RPS6KA2: variants seen among roughly 807,000 people sequenced by gnomAD.
RPS6KA2 encodes the protein ribosomal protein S6 kinase alpha-2.
In RPS6KA2, 42 loss-of-function variants were observed where a neutral mutation model predicts 91.8. The observed-to-expected ratio is 0.46, with a 90% CI of 0.36 to 0.59. RPS6KA2 has a LOEUF of 0.59. Among genes scored for constraint, RPS6KA2 ranks in the 20% least tolerant of loss-of-function variants. The pLI is 0.00. For missense variants in RPS6KA2, 798 were observed against 978.5 expected, an observed-to-expected ratio of 0.82 and a Z score of 2.46; for synonymous variants, 414 against 393.6, an observed-to-expected ratio of 1.05 and a Z score of -0.61.
Position 166,469,876 on chromosome 6 carries a change from T to A in RPS6KA2, c.937A>T (p.Lys313Ter). ...ATGGTCACAAAGAAGGGATGGCGCT[T>A]AATTTCCTCCACTCCGTCAATGCCA... ...GAGIDGVEEI[K>*]RHPFFVTIDW... Residue 313 changes from lysine (K) to a stop codon, truncating the protein, a stop_gained, in exon 11 of 21, where the codon AAG becomes TAG. Transcript: ENST00000265678. LOFTEE classifies it high-confidence loss of function. 1 of 1,614,150 alleles carries A rather than the reference T, an allele frequency of 6.2e-7. No homozygotes were observed. Among genetic ancestry groups the A allele is most frequent in the Non-Finnish European group, 8.5e-7 (1 of 1,179,992 alleles).
chr6:166,788,131 A>G (rs181411137), intron 2 of RPS6KA2, among the ~76,000 whole-genome samples: 68 of 152,356 alleles, frequency 4.5e-4, no homozygotes, highest in African/African-American at 1.5e-3. Context: ...CAAAACCACA[A>G]TGAGATACCA....
In RPS6KA2 at chr6:166,603,306, T is replaced by C. The variant is rs1000842232; in HGVS notation, c.99+23615A>G. 6.6e-6 allele frequency among the ~76,000 whole-genome samples: 1 copy of C among 152,180 alleles called. No individual in the cohort carries two copies. Among genetic ancestry groups the C allele is most frequent in the Non-Finnish European group, 1.5e-5 (1 of 68,040 alleles). On this transcript the variant is annotated intron_variant, in intron 1 of 20. Coordinates refer to ENST00000265678, the MANE Select transcript of RPS6KA2 (RefSeq NM_021135.6). This position sits in a 1 kb window ranked among gnomAD's most constrained non-coding sequence, Gnocchi z 4.3. Reference sequence around the variant, plus strand: ...ACCTGCTCTCGGCTTGTGTGGGCCATGGCTCTTTCAAAAAAGATCGTGCTG... The same window carrying C: ...ACCTGCTCTCGGCTTGTGTGGGCCACGGCTCTTTCAAAAAAGATCGTGCTG...
rs77253244 is a variant in RPS6KA2, at chr6:166,465,766, A to G, written c.972+4075T>C. ...TCGGTGGATGATGGCGTTATGGGAC[A>G]GCAGACTCCTCAGTCTGTGAGCAGC... On this transcript the variant is annotated intron_variant, in intron 11 of 20. Coordinates refer to ENST00000265678, the MANE Select transcript of RPS6KA2 (RefSeq NM_021135.6). Among the ~76,000 whole-genome samples the G allele has an allele frequency of 4.1e-3, 625 of 152,348 alleles. 3 individuals carry two copies. The highest frequency in any genetic ancestry group is 0.014 in the African/African-American group (596 of 41,590).
chr6:166,809,775 G>A (rs1057480320), intron 2 of RPS6KA2, among the ~76,000 whole-genome samples: 2 of 152,190 alleles, frequency 1.3e-5, no homozygotes, highest in Non-Finnish European at 2.9e-5. Context: ...GCATCCTGGC[G>A]ATGTTTATTC....
chr6:166,614,420 C>T (rs917956524), intron 1 of RPS6KA2, among the ~76,000 whole-genome samples: 6 of 152,182 alleles, frequency 3.9e-5, no homozygotes, highest in South Asian at 4.1e-4. Context: ...ACCCAGGCCC[C>T]GAGGGCAGGT....
At chr6:166,704,129 C>CA (rs1478590141) in intron 2 of RPS6KA2, among the ~76,000 whole-genome samples, 1 of 152,192 alleles carries the variant, frequency 6.6e-6, no homozygotes, top group Non-Finnish European at 1.5e-5. Flanking sequence ...TTCTCCCCTC[C>CA]AAATTAGGAC....
In RPS6KA2 at chr6:166,500,967, C is replaced by A; in HGVS notation, c.567-43G>T. 6.3e-7 allele frequency: 1 copy of A among 1,595,348 alleles called. No homozygotes were observed. The highest frequency in any genetic ancestry group is 8.6e-7 in the Non-Finnish European group (1 of 1,164,180). On this transcript the variant is annotated intron_variant, in intron 6 of 20. Transcript: ENST00000265678. The surrounding 1 kb of genome is among the most constrained non-coding windows in gnomAD (Gnocchi z 4.3). ...AAAACAGATGCTTTAGAAAGAGACC[C>A]AGCCTGCCGACGGGCACGCAGAGCT... is the stretch of plus-strand genomic sequence containing the variant.
At chr6:166,637,443 A>G (rs1787282169) in intron 2 of RPS6KA2, among the ~76,000 whole-genome samples, 1 of 152,220 alleles carries the variant, frequency 6.6e-6, no homozygotes, top group South Asian at 2.1e-4. Context: ...CCTGAGAGGA[A>G]CAATGAGCCG....
At chr6:166,483,172 G>A (rs1781294056) in intron 10 of RPS6KA2, among the ~76,000 whole-genome samples, 1 of 152,232 alleles carries the variant, frequency 6.6e-6, no homozygotes, top group South Asian at 2.1e-4. Flanking sequence ...CTATGTGTGT[G>A]GGGAGAGGAC....
At chr6:166,827,819 T>A (rs748968660) in intron 2 of RPS6KA2, among the ~76,000 whole-genome samples, 13 of 152,254 alleles carry the variant, frequency 8.5e-5, no homozygotes, top group Non-Finnish European at 1.3e-4. Context: ...AAGCAAACTG[T>A]AAGGATAGGC....
intron 19 of RPS6KA2, among the ~76,000 whole-genome samples, chr6:166,414,790 C>A (rs143022878): frequency 2.0e-5 from 3 of 152,218 alleles, no homozygotes; most frequent in Non-Finnish European, 4.4e-5. Context: ...TGCGGCTGGG[C>A]GCGTTGGCTC....
At position 166,807,100 on chromosome 6, in the gene RPS6KA2, A is replaced by G. The variant is rs1220174367; in HGVS notation, c.123+51100T>C. Among the ~76,000 whole-genome samples, 4 of 152,232 alleles carry G rather than the reference A, an allele frequency of 2.6e-5. No individual in the cohort carries two copies. In the East Asian group the frequency reaches 7.7e-4, roughly 29 times the overall value. On this transcript the variant is annotated intron_variant, in intron 2 of 21. Coordinates refer to the RPS6KA2 transcript ENST00000503859. Reference sequence around the variant, plus strand: ...TGCAGAAAATGAGAGACAAAACGCTATAATATAGAAAACAAATAGCAAAAT... The same window carrying G: ...TGCAGAAAATGAGAGACAAAACGCTGTAATATAGAAAACAAATAGCAAAAT...
chr6:166,409,987 C>G lies in RPS6KA2; in HGVS notation c.*2775G>C, dbSNP rs1439230193. On this transcript the variant is annotated 3_prime_UTR_variant, in exon 21 of 21. Transcript: ENST00000265678. ...ATCCTCACCTCTTGCCCATGTTTGA[C>G]TTTGGGATGGAATTCAGCAAAGCTC... 1.3e-5 allele frequency: 2 copies of G among 152,196 alleles called. No individual in the cohort carries two copies. Among genetic ancestry groups the G allele is most frequent in the African/African-American group, 4.8e-5 (2 of 41,436 alleles). The allele number at this position is 152,196 out of a possible 1,614,324, so 9.4% of individuals were successfully genotyped here. A position where few individuals can be genotyped will look rare whatever the true frequency, so the allele number is the denominator to read the frequency against.
At chr6:166,621,711 G>T (rs1182901492) in intron 1 of RPS6KA2, among the ~76,000 whole-genome samples, 1 of 152,100 alleles carries the variant, frequency 6.6e-6, no homozygotes, top group South Asian at 2.1e-4. Flanking sequence ...CTAAGTTACT[G>T]GTTACCAACT....
chr6:166,829,885 G>A (rs1780138945), intron 2 of RPS6KA2, among the ~76,000 whole-genome samples: 1 of 152,114 alleles, frequency 6.6e-6, no homozygotes, highest in African/African-American at 2.4e-5. Context: ...AGAAGCAGGT[G>A]GATCACCTGA....
In RPS6KA2 at chr6:166,500,082, C is replaced by T. The variant is rs1297573526; in HGVS notation, c.604+805G>A. On this transcript the variant is annotated intron_variant, in intron 7 of 20. Coordinates refer to ENST00000265678, the MANE Select transcript of RPS6KA2 (RefSeq NM_021135.6). This position sits in a 1 kb window ranked among gnomAD's most constrained non-coding sequence, Gnocchi z 4.3. The stretch of plus-strand genomic sequence containing the variant: ...GCCTGCTGGCTTCCACCATGGGGGA[C>T]GCAGCCCAGCCAAGGACTGCGGGCA... Among the ~76,000 whole-genome samples the T allele has an allele frequency of 1.3e-5, 2 of 152,272 alleles. No homozygotes were observed. The highest frequency in any genetic ancestry group is 2.1e-4 in the South Asian group (1 of 4,828).
chr6:166,548,923 A>C (rs1783911203), intron 1 of RPS6KA2, among the ~76,000 whole-genome samples: 1 of 152,268 alleles, frequency 6.6e-6, no homozygotes, highest in African/African-American at 2.4e-5. Flanking sequence ...AAAATGTTTA[A>C]ACCACACATC....
chr6:166,501,067 A>G (rs1278945084), intron 6 of RPS6KA2, 143 bp from the exon 7 acceptor site: 1 of 689,654 alleles, frequency 1.5e-6, no homozygotes, highest in Non-Finnish European at 2.5e-6. Flanking sequence ...GGAGATCCCC[A>G]CGGCTTGTGC....
intron 3 of RPS6KA2, among the ~76,000 whole-genome samples, chr6:166,530,969 T>A (rs1009410794): frequency 6.6e-6 from 1 of 152,270 alleles, no homozygotes; most frequent in African/African-American, 2.4e-5. Context: ...GCTTTCCCAA[T>A]GCCGCTCCAC....
Sources: allele counts gnomAD v4.1 joint callset (sites outside exome capture counted in the v4.1 genomes callset), GRCh38; gene constraint gnomAD v4.1.1; non-coding constraint Gnocchi (gnomAD v3.1); transcripts MANE v1.5; gene names NCBI Gene and HGNC (gene_info 2026-07-23, HGNC 2026-07-21).